The following PISD variants were observed in gnomAD, a reference collection of about 807,000 sequenced individuals.
The protein encoded by PISD is phosphatidylserine decarboxylase, also known as phosphatidylserine decarboxylase proenzyme, mitochondrial.
Under a neutral mutation model 43.5 loss-of-function variants are expected in PISD, and 31 were observed. The observed-to-expected ratio is 0.71, with a 90% CI of 0.54 to 0.96. PISD has a LOEUF of 0.96. Among genes scored for constraint, PISD ranks in the 40% least tolerant of loss-of-function variants. The pLI, the probability that PISD is intolerant of heterozygous loss-of-function variation, is 0.00. For missense variants in PISD, 523 were observed against 548.4 expected (o/e 0.95, Z 0.46); for synonymous variants, 259 against 228.7 (o/e 1.13, Z -1.20).
intron 2 of PISD, among the ~76,000 whole-genome samples, chr22:31,650,424 G>C (rs1279301572): frequency 6.6e-6 from 1 of 151,712 alleles, no homozygotes; most frequent in East Asian, 1.9e-4. Flanking sequence ...CTGTGTCCCA[G>C]CTACTTGGAG....
In PISD at chr22:31,648,195, C is replaced by A. The variant is rs2073934424; in HGVS notation, c.227G>T (p.Gly76Val). The A allele has an allele frequency of 6.2e-7, 1 of 1,612,278 alleles. No individual in the cohort carries two copies. The highest frequency in any genetic ancestry group is 8.5e-7 in the Non-Finnish European group (1 of 1,179,770). Residue 76 changes from glycine to valine, a missense_variant, in exon 3 of 8, where the codon GGG becomes GTG. Gly to Val is a moderately radical substitution (Grantham distance 109, BLOSUM62 -3). Coordinates refer to ENST00000439502, the MANE Select transcript of PISD (RefSeq NM_001326411.2). ...CTCATACTGCCGGTACCCTGCATAC[C>A]CGCCGCCTGTCACCAACAGAATGGG... ...PLPILLVTGG[G>V]YAGYRQYEKY...
At chr22:31,639,264 T>C (rs56298010) in intron 3 of PISD, among the ~76,000 whole-genome samples, 12,241 of 151,922 alleles carry the variant, frequency 0.081, 555 homozygotes, top group African/African-American at 0.14. Context: ...CTCCGCCTGC[T>C]GGGTTCAAGT....
Position 31,619,513 on chromosome 22 carries a change from G to T in PISD, c.*99C>A. ...TGGTCAGACTCCCAACCACGCTGAG[G>T]CAGGCCCTTACCTGGATGGCCTCAT... On this transcript the variant is annotated 3_prime_UTR_variant, in exon 8 of 8. Transcript: ENST00000439502. 1 of 906,090 alleles carries T rather than the reference G, an allele frequency of 1.1e-6. No homozygotes were observed. Among genetic ancestry groups the T allele is most frequent in the Non-Finnish European group, 1.8e-6 (1 of 555,686 alleles). 56.1% of individuals were successfully genotyped at this position (906,090 alleles called of 1,614,324 possible). A position where few individuals can be genotyped will look rare whatever the true frequency, so the allele number is the denominator to read the frequency against.
intron 3 of PISD, among the ~76,000 whole-genome samples, chr22:31,644,714 C>T (rs573845519): frequency 2.0e-5 from 3 of 152,268 alleles, no homozygotes; most frequent in South Asian, 2.1e-4. Context: ...TTCCTGAAAA[C>T]GTATATAGTT....
At chr22:31,636,974 C>A (rs181747099) in intron 3 of PISD, among the ~76,000 whole-genome samples, 1 of 151,400 alleles carries the variant, frequency 6.6e-6, no homozygotes, top group Admixed American at 6.6e-5. Context: ...CCGCGCCCAA[C>A]CTTTTCCCTT....
chr22:31,641,137 C>T (rs780581642), intron 3 of PISD, among the ~76,000 whole-genome samples: 25 of 151,888 alleles, frequency 1.6e-4, no homozygotes, highest in Non-Finnish European at 3.4e-4. Context: ...CCACCCACCT[C>T]GACATCATGC....
At position 31,619,772 on chromosome 22, in the gene PISD, T is replaced by G; in HGVS notation, c.1070A>C (p.His357Pro). The G allele has an allele frequency of 6.2e-7, 1 of 1,614,146 alleles. No homozygotes were observed. The highest frequency in any genetic ancestry group is 1.1e-5 in the South Asian group (1 of 91,084). Residue 357 changes from histidine (H) to proline (P), a missense_variant, in exon 8 of 8, where the codon CAC (histidine) becomes CCC (proline). Physicochemically the swap from His to Pro is moderately conservative, Grantham distance 77. Coordinates refer to ENST00000439502, the MANE Select transcript of PISD (RefSeq NM_001326411.2). ...GSYNDFSFVT[H>P]TNREGVPMRK... ...CATGGGGACGCCCTCTCTATTGGTG[T>G]GCGTCACGAAGCTGAAGTCATTGTA...
At chr22:31,662,242 T>A (rs1374927693), upstream of PISD, 1 of 1,592,632 alleles carries the variant, frequency 6.3e-7, no homozygotes, top group East Asian at 2.2e-5. Flanking sequence ...CCACGCCCCC[T>A]TCACACGCTG....
intron 3 of PISD, among the ~76,000 whole-genome samples, chr22:31,640,575 G>GT (rs759964791): frequency 0.65 from 59,245 of 91,460 alleles, 18,855 homozygotes; most frequent in East Asian, 0.72. Context: ...CGGTTTGGTT[G>GT]TTTTTTTTTT....
At chr22:31,637,921 C>G (rs900951815) in intron 3 of PISD, among the ~76,000 whole-genome samples, 2 of 152,252 alleles carry the variant, frequency 1.3e-5, no homozygotes, top group Non-Finnish European at 2.9e-5. Flanking sequence ...AACATTTAGA[C>G]TGAGTGGCAA....
chr22:31,659,491 G>A (rs567630225), intron 1 of PISD, among the ~76,000 whole-genome samples: 29 of 152,182 alleles, frequency 1.9e-4, no homozygotes, highest in African/African-American at 5.5e-4. Context: ...ACTATTGTCC[G>A]TACTTGCCTG....
chr22:31,621,913 T>C, intron 3 of PISD, 28 bp from the exon 4 acceptor site: 2 of 1,525,828 alleles, frequency 1.3e-6, no homozygotes, highest in Non-Finnish European at 1.8e-6. Flanking sequence ...AGGGGCTGAG[T>C]TGACCACACT....
intron 3 of PISD, among the ~76,000 whole-genome samples, chr22:31,645,949 G>GTATA (rs538386541): frequency 6.7e-6 from 1 of 149,330 alleles, no homozygotes; most frequent in Non-Finnish European, 1.5e-5. Flanking sequence ...AGTTATCTCA[G>GTATA]TATATATATA....
chr22:31,645,848 C>A (rs1296930635), intron 3 of PISD, among the ~76,000 whole-genome samples: 1 of 138,418 alleles, frequency 7.2e-6, no homozygotes, highest in Non-Finnish European at 1.5e-5. Context: ...CAGAGTGAGA[C>A]TCCATCTAAA....
At chr22:31,657,486 C>A (rs926014228) in intron 1 of PISD, among the ~76,000 whole-genome samples, 9 of 151,796 alleles carry the variant, frequency 5.9e-5, no homozygotes, top group Admixed American at 3.3e-4. Context: ...ACAATAGTCA[C>A]CCTGTTGTGC....
intron 1 of PISD, among the ~76,000 whole-genome samples, chr22:31,653,599 G>A (rs2074090989): frequency 6.6e-6 from 1 of 152,200 alleles, no homozygotes; most frequent in Non-Finnish European, 1.5e-5. Flanking sequence ...AGTCCCAGCT[G>A]CTGGAACAAA....
chr22:31,662,273 C>A, upstream of PISD: 7 of 1,497,438 alleles, frequency 4.7e-6, no homozygotes, highest in Non-Finnish European at 6.4e-6. Flanking sequence ...TAAGGCGTCA[C>A]GAGTCTCGAG....
chr22:31,656,485 C>G (rs1179944566), intron 1 of PISD, among the ~76,000 whole-genome samples: 2 of 151,870 alleles, frequency 1.3e-5, no homozygotes, highest in African/African-American at 4.8e-5. Context: ...TCCATCTCTA[C>G]TAAAAATACA....
At chr22:31,658,039 C>T (rs867633568) in intron 1 of PISD, among the ~76,000 whole-genome samples, 49 of 152,154 alleles carry the variant, frequency 3.2e-4, no homozygotes, top group African/African-American at 1.1e-3. Context: ...TTTCTTATTA[C>T]ACAAAATGAA....
Sources: allele counts gnomAD v4.1 joint callset (sites outside exome capture counted in the v4.1 genomes callset), GRCh38; gene constraint gnomAD v4.1.1; transcripts MANE v1.5; gene names NCBI Gene and HGNC (gene_info 2026-07-23, HGNC 2026-07-21).